CBL: variants seen among roughly 807,000 people sequenced by gnomAD.
CBL encodes the protein Cbl proto-oncogene.
CBL carries 45 observed loss-of-function variants against 96.9 expected under a neutral mutation model. The ratio of observed to expected loss-of-function variants is 0.46; its 90% CI spans 0.37 to 0.60. The LOEUF is 0.60. Among genes scored for constraint, CBL ranks in the 20% least tolerant of loss-of-function variants. The pLI, the probability that CBL is intolerant of heterozygous loss-of-function variation, is 0.00. For synonymous variants in CBL, 420 were observed against 426.8 expected (o/e 0.98, Z 0.20); for missense variants, 1,024 against 1,143.5 (o/e 0.90, Z 1.51).
intron 2 of CBL, among the ~76,000 whole-genome samples, chr11:119,253,084 G>A (rs1949683021): frequency 6.6e-6 from 1 of 152,028 alleles, no homozygotes; most frequent in Non-Finnish European, 1.5e-5. Flanking sequence ...AAGGTTACAT[G>A]CACATATCAT....
chr11:119,271,518 G>A (rs911488528), intron 2 of CBL, among the ~76,000 whole-genome samples: 1 of 152,104 alleles, frequency 6.6e-6, no homozygotes, highest in African/African-American at 2.4e-5. Context: ...TAAAGAACAA[G>A]ATCACTGAAT....
intron 2 of CBL, among the ~76,000 whole-genome samples, chr11:119,238,690 G>A (rs1483722870): frequency 6.6e-6 from 1 of 152,072 alleles, no homozygotes; most frequent in Non-Finnish European, 1.5e-5. Context: ...AATTAGCCAG[G>A]TGTGCTGGCG....
chr11:119,217,298 A>G (rs952934262), intron 1 of CBL, among the ~76,000 whole-genome samples: 1 of 152,116 alleles, frequency 6.6e-6, no homozygotes, highest in African/African-American at 2.4e-5. Context: ...TATTTTTAGT[A>G]GACGGGGTTT....
chr11:119,241,734 A>G (rs1949587888), intron 2 of CBL, among the ~76,000 whole-genome samples: 1 of 152,160 alleles, frequency 6.6e-6, no homozygotes, highest in African/African-American at 2.4e-5. Context: ...AGAGATTTTC[A>G]CTTAGGTTAA....
chr11:119,207,640 A>C (rs1949282456), intron 1 of CBL, among the ~76,000 whole-genome samples: 1 of 152,246 alleles, frequency 6.6e-6, no homozygotes, highest in African/African-American at 2.4e-5. Flanking sequence ...TCAAGTATTT[A>C]ACTGTTTAAG....
At chr11:119,289,776 T>C (rs1171266582) in intron 12 of CBL, 6 of 152,212 alleles carry the variant, frequency 3.9e-5, no homozygotes, top group African/African-American at 7.2e-5. Flanking sequence ...AGGGTCTTGA[T>C]CTGTTGCCCA....
chr11:119,236,550 A>G (rs1949547516), intron 2 of CBL, among the ~76,000 whole-genome samples: 4 of 150,642 alleles, frequency 2.7e-5, no homozygotes, highest in African/African-American at 7.3e-5. Flanking sequence ...TTGTATGGCT[A>G]TAGCCATATA....
At chr11:119,291,472 G>C (rs574299565) in intron 12 of CBL, among the ~76,000 whole-genome samples, 1 of 152,194 alleles carries the variant, frequency 6.6e-6, no homozygotes, top group African/African-American at 2.4e-5. Flanking sequence ...TTGGGAGGCC[G>C]AGGCAAGCGG....
At chr11:119,243,718 A>C (rs571734907) in intron 2 of CBL, among the ~76,000 whole-genome samples, 1 of 152,000 alleles carries the variant, frequency 6.6e-6, no homozygotes, top group African/African-American at 2.4e-5. Context: ...TGAATATGCA[A>C]TTGATCAAAA....
At chr11:119,299,219 T>A (rs1950083168) in intron 15 of CBL, among the ~76,000 whole-genome samples, 1 of 152,196 alleles carries the variant, frequency 6.6e-6, no homozygotes, top group South Asian at 2.1e-4. Flanking sequence ...TGCACAAACA[T>A]GTTGCTTAGT....
At chr11:119,246,652 A>G (rs1230706397) in intron 2 of CBL, among the ~76,000 whole-genome samples, 2 of 152,092 alleles carry the variant, frequency 1.3e-5, no homozygotes, top group East Asian at 3.9e-4. Flanking sequence ...AGGTTTCACC[A>G]TGTTGGCCAG....
At chr11:119,271,710 A>G in intron 2 of CBL, 25 bp from the exon 3 acceptor site, 1 of 1,605,940 alleles carries the variant, frequency 6.2e-7, no homozygotes, top group Non-Finnish European at 8.5e-7. Flanking sequence ...TATGTGTTTA[A>G]TTATTGCATT....
intron 1 of CBL, among the ~76,000 whole-genome samples, chr11:119,219,259 A>AAG (rs1949388465): frequency 6.6e-6 from 1 of 151,800 alleles, no homozygotes. Flanking sequence ...GGCTCCTGTA[A>AAG]TCCCATCTAC....
In CBL at chr11:119,267,549, T is replaced by C. The variant is rs575376195; in HGVS notation, c.444-4186T>C. Among the ~76,000 whole-genome samples, 7 of 152,250 alleles carry C rather than the reference T, an allele frequency of 4.6e-5. No homozygotes were observed. The East Asian group carries it at 1.2e-3, about 25-fold the overall frequency. On this transcript the variant is annotated intron_variant, in intron 2 of 15. Transcript: ENST00000264033. ...TCAGACTCAGCTTAAAAAGCAACAC[T>C]CGATAAGGTCTCTGAGACTACCCTC...
intron 1 of CBL, among the ~76,000 whole-genome samples, chr11:119,231,082 G>C (rs1463126465): frequency 6.6e-6 from 1 of 152,162 alleles, no homozygotes; most frequent in Non-Finnish European, 1.5e-5. Flanking sequence ...AGGCCTCTCT[G>C]TTCCTGTTCC....
rs200700469 is a variant in CBL at position 119,271,895 on chromosome 11, T to A, written c.590+14T>A. The A allele has an allele frequency of 1.2e-6, 2 of 1,613,160 alleles. No individual in the cohort carries two copies. The highest frequency in any genetic ancestry group is 1.3e-5 in the African/African-American group (1 of 75,034). ...TTTTGGGGAAAAGTAAGTCTCAGAATAATGAATTTGAACTATGAAAAACTA... is the reference window on the plus strand; with the variant it reads ...TTTTGGGGAAAAGTAAGTCTCAGAAAAATGAATTTGAACTATGAAAAACTA... On this transcript the variant is annotated intron_variant, in intron 3 of 15. Transcript: ENST00000264033.
intron 10 of CBL, 26 bp downstream of exon 10, chr11:119,285,126 T>C: frequency 6.2e-7 from 1 of 1,614,102 alleles, no homozygotes; most frequent in Non-Finnish European, 8.5e-7. Flanking sequence ...TTACTGCAGT[T>C]TTTGGATTCT....
At chr11:119,232,311 T>C (rs1197179728) in intron 1 of CBL, 137 bp from the exon 2 acceptor site, 1 of 931,796 alleles carries the variant, frequency 1.1e-6, no homozygotes, top group Non-Finnish European at 1.6e-6. Flanking sequence ...AATGGGGTTA[T>C]GGATCTGCTT....
Position 119,302,410 on chromosome 11 carries a change from G to A in CBL, c.*2629G>A, listed in dbSNP as rs1388076439. The A allele has an allele frequency of 5.6e-5, 13 of 232,672 alleles. No homozygotes were observed. The East Asian group carries it at 7.9e-4, about 14-fold the overall frequency. 14.4% of individuals were successfully genotyped at this position (232,672 alleles called of 1,614,324 possible). On this transcript the variant is annotated 3_prime_UTR_variant, in exon 16 of 16. Coordinates refer to ENST00000264033, the MANE Select transcript of CBL (RefSeq NM_005188.4). ...GTAACCCATTCTTCACCCTCCATTT[G>A]TATGGCAATTTAAAAGTCTTTGGCT...
Sources: allele counts gnomAD v4.1 joint callset (sites outside exome capture counted in the v4.1 genomes callset), GRCh38; gene constraint gnomAD v4.1.1; transcripts MANE v1.5; gene names NCBI Gene and HGNC (gene_info 2026-07-23, HGNC 2026-07-21).